The following GSDMC variants were observed in gnomAD, a reference collection of about 807,000 sequenced individuals.
The protein encoded by GSDMC is gasdermin-C.
A neutral mutation model predicts 58.0 loss-of-function variants in GSDMC; 59 were observed. The observed-to-expected ratio is 1.02, with a 90% CI of 0.82 to 1.26. GSDMC has a LOEUF of 1.26. Among genes scored for constraint, GSDMC ranks in the 50% most tolerant of loss-of-function variants. The pLI is 0.00. For missense variants in GSDMC, 659 were observed against 598.5 expected (o/e 1.10, Z -1.06); for synonymous variants, 241 against 220.2 (o/e 1.09, Z -0.83).
At position 129,777,348 on chromosome 8, in the gene GSDMC, T is replaced by C; in HGVS notation, c.220+20A>G. The C allele has an allele frequency of 6.7e-7, 1 of 1,484,878 alleles. No individual in the cohort carries two copies. Among genetic ancestry groups the C allele is most frequent in the Non-Finnish European group, 9.4e-7 (1 of 1,062,770 alleles). The allele number at this position is 1,484,878 out of a possible 1,614,324, so 92.0% of individuals were successfully genotyped here. A position where few individuals can be genotyped will look rare whatever the true frequency, so the allele number is the denominator to read the frequency against. On this transcript the variant is annotated intron_variant, in intron 2 of 13. Coordinates refer to ENST00000276708, the MANE Select transcript of GSDMC (RefSeq NM_031415.3). The stretch of plus-strand genomic sequence containing the variant: ...ACATGTTTTTCACCCCTCACCTCCT[T>C]GGCCTCTGGCTGACAATACCTAGGA...
chr8:129,763,445 C>A (rs2033745781), intron 4 of GSDMC, among the ~76,000 whole-genome samples: 1 of 152,174 alleles, frequency 6.6e-6, no homozygotes, highest in African/African-American at 2.4e-5. Context: ...ATTCTGGAAA[C>A]ACATTCTTTG....
the GSDMC span, among the ~76,000 whole-genome samples, chr8:129,712,499 G>T: frequency 1.3e-5 from 2 of 152,260 alleles, no homozygotes; most frequent in Non-Finnish European, 2.9e-5. Flanking sequence ...CAAGAAAACA[G>T]GGGCAAGTTG....
the GSDMC span, among the ~76,000 whole-genome samples, chr8:129,707,701 C>T: frequency 6.6e-6 from 1 of 152,290 alleles, no homozygotes; most frequent in East Asian, 1.9e-4. Context: ...TATATTCTAC[C>T]AATGCTTTCT....
chr8:129,775,250 C>T (rs1027940480), intron 3 of GSDMC, among the ~76,000 whole-genome samples: 7 of 152,098 alleles, frequency 4.6e-5, no homozygotes, highest in Admixed American at 4.6e-4. Flanking sequence ...AGGAAGAAAC[C>T]CTGTATTTGC....
At chr8:129,729,309 T>G in the GSDMC span, 4 of 473,382 alleles carry the variant, frequency 8.4e-6, no homozygotes, top group African/African-American at 3.1e-5. Flanking sequence ...ATGAAATTTG[T>G]TTTTTTTAAT....
At position 129,748,376 on chromosome 8, in the gene GSDMC, T is replaced by G; in HGVS notation, c.*125A>C. On this transcript the variant is annotated 3_prime_UTR_variant, in exon 14 of 14. Transcript: ENST00000276708. ...AACATTTCCTAAAGTCTCTACCCAT[T>G]ACTGTCTCTACTCCACCTGGAAACG... 1 of 889,522 alleles carries G rather than the reference T, an allele frequency of 1.1e-6. No individual in the cohort carries two copies. 55.1% of individuals were successfully genotyped at this position (889,522 alleles called of 1,614,324 possible).
chr8:129,724,754 G>GA, the GSDMC span, among the ~76,000 whole-genome samples: 10 of 152,066 alleles, frequency 6.6e-5, no homozygotes, highest in East Asian at 1.7e-3. Context: ...GGAAATTATG[G>GA]AAAAAAATGT....
chr8:129,730,018 GA>G, the GSDMC span: 8 of 1,360,524 alleles, frequency 5.9e-6, no homozygotes, highest in East Asian at 2.3e-5. Context: ...AACGGAAGAA[GA>G]AAAAGGATGA....
chr8:129,753,937 G>C (rs2033328329), intron 6 of GSDMC, among the ~76,000 whole-genome samples: 1 of 152,138 alleles, frequency 6.6e-6, no homozygotes, highest in Non-Finnish European at 1.5e-5. Flanking sequence ...GGGAAGAGTG[G>C]GGAAAACTTT....
intron 3 of GSDMC, among the ~76,000 whole-genome samples, chr8:129,768,220 T>C (rs1229953901): frequency 7.2e-5 from 11 of 152,228 alleles, no homozygotes; most frequent in African/African-American, 2.6e-4. Flanking sequence ...GAACCAAAGG[T>C]TGGACTGACT....
chr8:129,750,516 A>G lies in GSDMC; in HGVS notation c.998T>C (p.Leu333Pro). 2 of 1,613,862 alleles carry G rather than the reference A, an allele frequency of 1.2e-6. No individual in the cohort carries two copies. The highest frequency in any genetic ancestry group is 1.7e-6 in the Non-Finnish European group (2 of 1,179,780). ...VFQKIKTLAQ[L>P]SKDVQDVMFY... ...CATGACATCCTGAACATCCTTTGAG[A>G]GCTGAGCCAGTGTCTTTATTTTCTG... The change falls in exon 11 of 14, where the codon CTC becomes CCC. Residue 333 changes from leucine to proline, a missense_variant. Transcript: ENST00000276708.
chr8:129,728,404 T>C, the GSDMC span, among the ~76,000 whole-genome samples: 49,348 of 152,020 alleles, frequency 0.32, 11,604 homozygotes, highest in African/African-American at 0.65. Flanking sequence ...GTTCAGGTTG[T>C]CCCCGCATCA....
At chr8:129,776,928 A>ATT (rs113296045) in intron 2 of GSDMC, among the ~76,000 whole-genome samples, 32,557 of 146,932 alleles carry the variant, frequency 0.22, 3,742 homozygotes, top group East Asian at 0.38. Context: ...TGCCTGGATA[A>ATT]TTTTTTTTTT....
At chr8:129,736,615 A>G in the GSDMC span, among the ~76,000 whole-genome samples, 5 of 152,218 alleles carry the variant, frequency 3.3e-5, no homozygotes, top group Non-Finnish European at 5.9e-5. Context: ...CTCTCAATAA[A>G]TTAGGTATTG....
chr8:129,753,828 T>C (rs2033323272), intron 6 of GSDMC, among the ~76,000 whole-genome samples: 1 of 152,074 alleles, frequency 6.6e-6, no homozygotes, highest in South Asian at 2.1e-4. Context: ...CATGAGCCCT[T>C]GGGCTGTCAG....
At chr8:129,715,595 A>G in the GSDMC span, among the ~76,000 whole-genome samples, 3 of 152,320 alleles carry the variant, frequency 2.0e-5, no homozygotes, top group East Asian at 5.8e-4. Context: ...ATCAAACTAA[A>G]ATAAAGTCAA....
the GSDMC span, among the ~76,000 whole-genome samples, chr8:129,738,355 C>T: frequency 1.4e-4 from 21 of 152,176 alleles, no homozygotes; most frequent in Non-Finnish European, 2.6e-4. Context: ...CACATGCACA[C>T]ATATGTTTAT....
At chr8:129,748,853 G>C in intron 13 of GSDMC, 113 bp from the exon 14 acceptor site, 1 of 786,426 alleles carries the variant, frequency 1.3e-6, no homozygotes, top group East Asian at 3.2e-5. Context: ...AGAGCTTTGG[G>C]ATCCAGCGGA....
At chr8:129,759,312 C>A (rs947532112) in intron 6 of GSDMC, among the ~76,000 whole-genome samples, 1 of 152,112 alleles carries the variant, frequency 6.6e-6, no homozygotes, top group African/African-American at 2.4e-5. Flanking sequence ...GCAAAGATTT[C>A]TTCAGTAAAT....
Sources: gnomAD v4.1 joint callset for allele counts (sites outside exome capture counted in the v4.1 genomes callset) on GRCh38, gnomAD v4.1.1 for gene constraint, MANE v1.5 for transcripts, NCBI Gene and HGNC (gene_info 2026-07-23, HGNC 2026-07-21) for gene names.